The following HSD17B4 variants were observed in gnomAD, a reference collection of about 807,000 sequenced individuals.
HSD17B4 encodes hydroxysteroid 17-beta dehydrogenase 4.
Under a neutral mutation model 101.0 loss-of-function variants are expected in HSD17B4, and 70 were observed. That is an observed-to-expected ratio of 0.69 (90% CI 0.57 to 0.85). The LOEUF (loss-of-function observed/expected upper bound fraction) is 0.85, where lower values mean the gene tolerates loss of function less well. Among genes scored for constraint, HSD17B4 ranks in the 40% least tolerant of loss-of-function variants. HSD17B4 has a pLI of 0.00. For missense variants in HSD17B4, 984 were observed against 892.4 expected, an observed-to-expected ratio of 1.10 and a Z score of -1.31; for synonymous variants, 347 against 297.1, an observed-to-expected ratio of 1.17 and a Z score of -1.73.
At position 119,515,013 on chromosome 5, in the gene HSD17B4, T is replaced by C; in HGVS notation, c.1470T>C (p.Asp490=). The change falls in exon 17 of 24, where the codon GAT becomes GAC. Residue 490 remains aspartate, a synonymous_variant. Transcript: ENST00000510025. ...TAGCCATACCTAATAGACCTCCTGA[T>C]GCTGTACTTACAGATACCACCTCTC... ...VAVAIPNRPP[D]AVLTDTTSLN... is the part of the protein sequence containing the mutation. The C allele has an allele frequency of 6.3e-7, 1 of 1,586,458 alleles. No individual in the cohort carries two copies. The highest frequency in any genetic ancestry group is 8.7e-7 in the Non-Finnish European group (1 of 1,154,992).
In HSD17B4 at chr5:119,531,315, T is replaced by C; in HGVS notation, c.1904T>C (p.Leu635Pro). ...TFVFEEIGRRLKDIGPEVVKK... is the reference protein window; with the variant it reads ...TFVFEEIGRRPKDIGPEVVKK... ...GTATTTGAGGAAATAGGACGCCGCCTAAAGGATATTGGGCCTGAGGTGGTG... is the reference window on the plus strand; with the variant it reads ...GTATTTGAGGAAATAGGACGCCGCCCAAAGGATATTGGGCCTGAGGTGGTG... Residue 635 changes from leucine (L) to proline (P), a missense_variant, in exon 22 of 24, where the codon CTA becomes CCA. By Grantham distance (98) the Leu-to-Pro change is moderately conservative (BLOSUM62 -3). Coordinates refer to ENST00000510025, the MANE Select transcript of HSD17B4 (RefSeq NM_000414.4). 1 of 1,613,076 alleles carries C rather than the reference T, an allele frequency of 6.2e-7. No individual in the cohort carries two copies. Among genetic ancestry groups the C allele is most frequent in the Non-Finnish European group, 8.5e-7 (1 of 1,179,184 alleles).
intron 14 of HSD17B4, among the ~76,000 whole-genome samples, chr5:119,506,605 G>A (rs537973187): frequency 2.4e-4 from 36 of 152,296 alleles, no homozygotes; most frequent in South Asian, 6.2e-4. Context: ...GTCTTCCACA[G>A]TGGTTGAACT....
intron 2 of HSD17B4, chr5:119,464,651 G>C (rs1436374199): frequency 6.6e-6 from 1 of 152,024 alleles, no homozygotes; most frequent in Non-Finnish European, 1.5e-5. Flanking sequence ...GGAGTGCAAT[G>C]GTGTGATCTC....
chr5:119,468,062 T>G (rs9885037), intron 2 of HSD17B4, among the ~76,000 whole-genome samples: 1,908 of 152,300 alleles, frequency 0.013, 18 homozygotes, highest in African/African-American at 0.024. Context: ...CTTCTGTCAT[T>G]TTGTTAATTG....
intron 14 of HSD17B4, among the ~76,000 whole-genome samples, chr5:119,504,565 C>T (rs1472652423): frequency 2.6e-5 from 4 of 152,102 alleles, no homozygotes; most frequent in Non-Finnish European, 4.4e-5. Flanking sequence ...TGTTTGTTGG[C>T]CACTTGTGTG....
chr5:119,514,559 C>G (rs1195210498), intron 16 of HSD17B4, among the ~76,000 whole-genome samples: 1 of 152,100 alleles, frequency 6.6e-6, no homozygotes, highest in Non-Finnish European at 1.5e-5. Flanking sequence ...TGGTAACCAA[C>G]TTTAAAATGT....
intron 23 of HSD17B4, among the ~76,000 whole-genome samples, chr5:119,538,956 C>G (rs1196898395): frequency 1.3e-5 from 2 of 152,100 alleles, no homozygotes; most frequent in East Asian, 3.9e-4. Flanking sequence ...TCAGCCTAGC[C>G]TAGAATATTG....
intron 16 of HSD17B4, among the ~76,000 whole-genome samples, chr5:119,512,315 T>A (rs564684928): frequency 6.6e-6 from 1 of 152,228 alleles, no homozygotes; most frequent in South Asian, 2.1e-4. Flanking sequence ...TGGCTTCTGA[T>A]GAAAAACATT....
intron 22 of HSD17B4, among the ~76,000 whole-genome samples, chr5:119,532,050 A>G (rs983185320): frequency 3.9e-5 from 6 of 152,176 alleles, no homozygotes; most frequent in Non-Finnish European, 8.8e-5. Flanking sequence ...AAATTAGAGG[A>G]TAAAAAGAAT....
rs1224007984 is a variant in HSD17B4, at chr5:119,499,527, C to T, written c.1183C>T (p.Pro395Ser). 1 of 1,612,448 alleles carries T rather than the reference C, an allele frequency of 6.2e-7. No individual in the cohort carries two copies. The highest frequency in any genetic ancestry group is 8.5e-7 in the Non-Finnish European group (1 of 1,178,660). ...SMMGGGLAEI[P>S]GLSINFAKVL... ...GATGGGTGGAGGATTAGCAGAAATT[C>T]CTGGACTTTCAATCAACTTTGCAAA... is the stretch of plus-strand genomic sequence containing the variant. The change falls in exon 13 of 24, where the codon CCT becomes TCT. Residue 395 changes from proline (P) to serine (S), a missense_variant. Pro to Ser is a moderately conservative substitution (Grantham distance 74). Transcript: ENST00000510025.
chr5:119,477,156 G>A (rs1209453272), intron 6 of HSD17B4, among the ~76,000 whole-genome samples: 5 of 152,204 alleles, frequency 3.3e-5, no homozygotes, highest in Middle Eastern at 3.4e-3. Flanking sequence ...AAATAAGGGC[G>A]TAGCATTATA....
At chr5:119,490,877 G>A (rs559526123) in intron 9 of HSD17B4, among the ~76,000 whole-genome samples, 1 of 152,214 alleles carries the variant, frequency 6.6e-6, no homozygotes, top group Non-Finnish European at 1.5e-5. Flanking sequence ...CTAGATAGGC[G>A]TTTTATACAC....
At chr5:119,500,357 T>A (rs1189273812) in intron 13 of HSD17B4, among the ~76,000 whole-genome samples, 1 of 152,068 alleles carries the variant, frequency 6.6e-6, no homozygotes, top group African/African-American at 2.4e-5. Context: ...AGTTATACAT[T>A]GTATATAGTT....
intron 13 of HSD17B4, 151 bp downstream of exon 13, chr5:119,499,704 CTTTT>C: frequency 2.3e-6 from 1 of 440,768 alleles, no homozygotes; most frequent in Non-Finnish European, 3.9e-6. Flanking sequence ...TTTGATTTTT[CTTTT>C]TAAGAATAAA....
intron 12 of HSD17B4, among the ~76,000 whole-genome samples, chr5:119,498,775 G>A (rs561833256): frequency 2.6e-4 from 39 of 152,286 alleles, no homozygotes; most frequent in African/African-American, 8.7e-4. Flanking sequence ...AGCTACTCGG[G>A]AAGCTGAGGC....
chr5:119,520,575 A>T (rs1294980976), intron 17 of HSD17B4, among the ~76,000 whole-genome samples: 7 of 152,266 alleles, frequency 4.6e-5, no homozygotes, highest in African/African-American at 1.7e-4. Context: ...CTGCTGTCAG[A>T]AGGAAGCTGT....
Position 119,515,041 on chromosome 5 carries a change from A to C in HSD17B4, c.1498A>C (p.Asn500His). The change falls in exon 17 of 24, where the codon AAT (asparagine) becomes CAT (histidine). Residue 500 changes from asparagine to histidine, a missense_variant. By Grantham distance (68) the Asn-to-His change is moderately conservative. Coordinates refer to ENST00000510025, the MANE Select transcript of HSD17B4 (RefSeq NM_000414.4). ...DAVLTDTTSLNQAALYRLSGD... is the reference protein window; with the variant it reads ...DAVLTDTTSLHQAALYRLSGD... ...TGTACTTACAGATACCACCTCTCTT[A>C]ATCAGGTAAGATTGTATTTTTGAAA... 1 of 1,566,216 alleles carries C rather than the reference A, an allele frequency of 6.4e-7. No individual in the cohort carries two copies. The highest frequency in any genetic ancestry group is 1.4e-5 in the African/African-American group (1 of 74,042).
chr5:119,460,805 G>C (rs1308359266), intron 2 of HSD17B4, among the ~76,000 whole-genome samples: 1 of 151,900 alleles, frequency 6.6e-6, no homozygotes, highest in Non-Finnish European at 1.5e-5. Context: ...AGGTGCTGTG[G>C]AGAAAAAAAT....
rs1052502252 is a variant in HSD17B4, at chr5:119,474,252, A to T, written c.221-149A>T. On this transcript the variant is annotated intron_variant, in intron 3 of 23. Coordinates refer to ENST00000510025, the MANE Select transcript of HSD17B4 (RefSeq NM_000414.4). ...TACTATTTTTATTAGTGAGCACATGATATAATTAGTAAATTATTGTAGATA... is the reference window on the plus strand; with the variant it reads ...TACTATTTTTATTAGTGAGCACATGTTATAATTAGTAAATTATTGTAGATA... 5 of 721,334 alleles carry T rather than the reference A, an allele frequency of 6.9e-6. No homozygotes were observed. In the African/African-American group the frequency reaches 8.8e-5, roughly 13 times the overall value. 44.7% of individuals were successfully genotyped at this position (721,334 alleles called of 1,614,324 possible).
Sources: allele counts gnomAD v4.1 joint callset (sites outside exome capture counted in the v4.1 genomes callset), GRCh38; gene constraint gnomAD v4.1.1; transcripts MANE v1.5; gene names NCBI Gene and HGNC (gene_info 2026-07-23, HGNC 2026-07-21).